Variants in PRKN observed in about 807,000 individuals in gnomAD.
PRKN encodes the protein parkin RBR E3 ubiquitin protein ligase, also known as E3 ubiquitin-protein ligase parkin.
A neutral mutation model predicts 59.5 loss-of-function variants in PRKN; 56 were observed. The observed-to-expected ratio is 0.94, with a 90% CI of 0.76 to 1.18. PRKN has a LOEUF of 1.18. PRKN is among the 50% of genes most tolerant of loss of function. The probability of loss-of-function intolerance (pLI) is 0.00; values close to 1 mark genes in which losing one functional copy is unlikely to be tolerated. For synonymous variants in PRKN, 250 were observed against 222.1 expected, an observed-to-expected ratio of 1.13 and a Z score of -1.12; for missense variants, 657 against 596.4, an observed-to-expected ratio of 1.10 and a Z score of -1.06.
At chr6:162,660,117 GCTTC>G (rs1177367066) in intron 1 of PRKN, among the ~76,000 whole-genome samples, 2 of 152,050 alleles carry the variant, frequency 1.3e-5, no homozygotes, top group African/African-American at 2.4e-5. Flanking sequence ...ATACAAAATA[GCTTC>G]CTTCAACAAA....
intron 6 of PRKN, among the ~76,000 whole-genome samples, chr6:161,957,436 GTT>G (rs10682757): frequency 1.7e-5 from 2 of 116,642 alleles, no homozygotes; most frequent in African/African-American, 6.1e-5. Flanking sequence ...TTGTTTGTTT[GTT>G]TTTTTGAGCC....
At chr6:162,079,028 A>C (rs1778950830) in intron 4 of PRKN, among the ~76,000 whole-genome samples, 1 of 152,078 alleles carries the variant, frequency 6.6e-6, no homozygotes. Flanking sequence ...GGAACTCATA[A>C]GCGGTGACAG....
chr6:161,770,192 G>T (rs1011788276), intron 7 of PRKN, among the ~76,000 whole-genome samples: 6 of 152,136 alleles, frequency 3.9e-5, no homozygotes, highest in Admixed American at 1.3e-4. Flanking sequence ...CCCACATGGA[G>T]CATGGGGAAG....
intron 2 of PRKN, among the ~76,000 whole-genome samples, chr6:162,337,155 T>C (rs961350977): frequency 1.3e-5 from 2 of 152,200 alleles, no homozygotes; most frequent in African/African-American, 4.8e-5. Context: ...AATAACCACT[T>C]TTAGCCACAA....
At chr6:162,136,780 G>A (rs1228780480) in intron 4 of PRKN, among the ~76,000 whole-genome samples, 4 of 152,098 alleles carry the variant, frequency 2.6e-5, no homozygotes, top group African/African-American at 7.2e-5. Flanking sequence ...TTACTTCAGC[G>A]GATCAATTCC....
At chr6:162,522,927 C>T (rs533623629) in intron 1 of PRKN, among the ~76,000 whole-genome samples, 8 of 152,266 alleles carry the variant, frequency 5.3e-5, no homozygotes, top group African/African-American at 1.7e-4. Flanking sequence ...CTGACCATTC[C>T]AGCAAATAAC....
At chr6:162,195,204 A>G (rs1784443221) in intron 4 of PRKN, among the ~76,000 whole-genome samples, 1 of 152,222 alleles carries the variant, frequency 6.6e-6, no homozygotes, top group African/African-American at 2.4e-5. Context: ...AAATACTGTC[A>G]ATAACATAAA....
chr6:161,838,176 T>C (rs1287899365), intron 6 of PRKN, among the ~76,000 whole-genome samples: 1 of 152,206 alleles, frequency 6.6e-6, no homozygotes, highest in East Asian at 1.9e-4. Flanking sequence ...ACTCATCTGC[T>C]CCTTAAAACC....
In PRKN at chr6:162,160,890, C is replaced by CAAA. The variant is rs56320816; in HGVS notation, c.534+40238_534+40240dup. 2.7e-3 allele frequency among the ~76,000 whole-genome samples: 218 copies of CAAA among 80,268 alleles called. 15 individuals carry two copies. Among genetic ancestry groups the CAAA allele is most frequent in the African/African-American group, 9.7e-3 (184 of 18,892 alleles). 52.7% of individuals were successfully genotyped at this position (80,268 alleles called of 152,430 possible). A position where few individuals can be genotyped will look rare whatever the true frequency, so the allele number is the denominator to read the frequency against. On this transcript the variant is annotated intron_variant, in intron 4 of 11. Transcript: ENST00000366898. ...TGGGCAACACAGAGAGACTCCGTCT[C>CAAA]AAAAAAAAAAAAAAAAAAAAAAAAA...
intron 7 of PRKN, among the ~76,000 whole-genome samples, chr6:161,637,502 C>T (rs1325949659): frequency 1.3e-5 from 2 of 151,910 alleles, no homozygotes; most frequent in Non-Finnish European, 2.9e-5. Context: ...AACTTCTTAC[C>T]CAGAATAAAA....
chr6:162,333,138 T>C (rs561415995), intron 2 of PRKN, among the ~76,000 whole-genome samples: 2 of 152,240 alleles, frequency 1.3e-5, no homozygotes, highest in Non-Finnish European at 2.9e-5. Context: ...AAGAGACCCA[T>C]ATATTCTTGA....
intron 1 of PRKN, among the ~76,000 whole-genome samples, chr6:162,532,357 C>G (rs772630877): frequency 6.6e-6 from 1 of 152,242 alleles, no homozygotes; most frequent in Non-Finnish European, 1.5e-5. Flanking sequence ...GAGACGTGAG[C>G]ACACATCTCA....
intron 6 of PRKN, among the ~76,000 whole-genome samples, chr6:161,836,896 C>T (rs758714793): frequency 2.6e-5 from 4 of 152,082 alleles, no homozygotes; most frequent in Non-Finnish European, 5.9e-5. Context: ...CAAATGAATG[C>T]GGGCAGCAGC....
At chr6:162,027,788 G>A (rs1395771647) in intron 5 of PRKN, among the ~76,000 whole-genome samples, 1 of 151,994 alleles carries the variant, frequency 6.6e-6, no homozygotes, top group Non-Finnish European at 1.5e-5. Flanking sequence ...CACAGTTGCT[G>A]AGGTTGCCTC....
intron 9 of PRKN, among the ~76,000 whole-genome samples, chr6:161,494,237 T>C (rs1459120071): frequency 6.6e-6 from 1 of 152,184 alleles, no homozygotes; most frequent in Non-Finnish European, 1.5e-5. Flanking sequence ...AAATACCGTA[T>C]CATCAGGACT....
intron 7 of PRKN, among the ~76,000 whole-genome samples, chr6:161,601,614 G>C (rs1045069414): frequency 6.8e-6 from 1 of 146,500 alleles, no homozygotes. Context: ...ACGGAGTTTC[G>C]CTCTGTAGCC....
At chr6:162,356,544 T>G (rs891105904) in intron 2 of PRKN, among the ~76,000 whole-genome samples, 2 of 151,710 alleles carry the variant, frequency 1.3e-5, no homozygotes, top group Non-Finnish European at 2.9e-5. Flanking sequence ...CATTTTTTTT[T>G]GCTTGGTCAA....
At chr6:161,872,478 T>G (rs1270034715) in intron 6 of PRKN, among the ~76,000 whole-genome samples, 34 of 152,174 alleles carry the variant, frequency 2.2e-4, no homozygotes, top group Admixed American at 2.2e-3. Context: ...ATTAATGCCC[T>G]CATATCAGAC....
intron 2 of PRKN, among the ~76,000 whole-genome samples, chr6:162,266,011 T>TTC (rs1780114534): frequency 3.3e-5 from 5 of 152,220 alleles, no homozygotes; most frequent in Admixed American, 3.3e-4. Flanking sequence ...GCCTCTAGCC[T>TTC]AAGTCGTTTC....
Sources: allele counts gnomAD v4.1 joint callset (sites outside exome capture counted in the v4.1 genomes callset), GRCh38; gene constraint gnomAD v4.1.1; transcripts MANE v1.5; gene names NCBI Gene and HGNC (gene_info 2026-07-23, HGNC 2026-07-21).